The following FHIT variants were observed in gnomAD, a reference collection of about 807,000 sequenced individuals.
FHIT encodes the protein bis(5'-adenosyl)-triphosphatase.
A neutral mutation model predicts 17.9 loss-of-function variants in FHIT; 19 were observed. The observed-to-expected ratio is 1.06, with a 90% confidence interval of 0.74 to 1.56. The LOEUF is 1.56. Ranked by LOEUF, FHIT falls within the 40% of genes most tolerant of loss-of-function variation. FHIT has a pLI of 0.00. For synonymous variants in FHIT, 81 were observed against 69.7 expected (o/e 1.16, Z -0.81); for missense variants, 248 against 189.2 (o/e 1.31, Z -1.82).
intron 5 of FHIT, among the ~76,000 whole-genome samples, chr3:60,512,466 C>A (rs1031665937): frequency 2.6e-5 from 4 of 152,232 alleles, no homozygotes; most frequent in Non-Finnish European, 4.4e-5. Context: ...TCTACTCAGA[C>A]TGAACTCGAC....
chr3:60,985,381 G>A (rs768043251), intron 3 of FHIT, among the ~76,000 whole-genome samples: 14 of 151,836 alleles, frequency 9.2e-5, no homozygotes, highest in South Asian at 2.1e-4. Context: ...CAAGCTATCC[G>A]ATCCTCCTTC....
At chr3:60,374,643 T>A (rs760560579) in intron 5 of FHIT, among the ~76,000 whole-genome samples, 14 of 151,084 alleles carry the variant, frequency 9.3e-5, no homozygotes, top group Non-Finnish European at 1.9e-4. Flanking sequence ...TTGACATTTA[T>A]GTAGAAGGAC....
Position 60,059,373 on chromosome 3 carries a change from C to T in FHIT, c.104-45221G>A, listed in dbSNP as rs147691931. On this transcript the variant is annotated intron_variant, in intron 5 of 9. Coordinates refer to ENST00000492590, the MANE Select transcript of FHIT (RefSeq NM_002012.4). ...AACACACTCACATGCTCACCTCCCA[C>T]ATGTTAGCAGGCCACACACATGTGG... Among the ~76,000 whole-genome samples, 355 of 152,284 alleles carry T rather than the reference C, an allele frequency of 2.3e-3. 4 individuals are homozygous for T. The highest frequency in any genetic ancestry group is 3.4e-3 in the Middle Eastern group (1 of 294).
intron 4 of FHIT, among the ~76,000 whole-genome samples, chr3:60,600,754 G>A (rs545341730): frequency 2.6e-5 from 4 of 152,222 alleles, no homozygotes; most frequent in Admixed American, 6.5e-5. Context: ...AGACAAATTC[G>A]AGAAAAACAA....
chr3:61,124,503 G>A (rs963717240), intron 2 of FHIT, among the ~76,000 whole-genome samples: 22 of 152,020 alleles, frequency 1.4e-4, no homozygotes, highest in Non-Finnish European at 2.6e-4. Context: ...ATATTCTCAT[G>A]GTGGCTGGTT....
At chr3:60,754,132 C>A (rs1417785474) in intron 4 of FHIT, among the ~76,000 whole-genome samples, 1 of 152,092 alleles carries the variant, frequency 6.6e-6, no homozygotes, top group Non-Finnish European at 1.5e-5. Flanking sequence ...CTGGCCTTAC[C>A]AGGATAAGAA....
intron 8 of FHIT, among the ~76,000 whole-genome samples, chr3:59,888,557 A>C (rs1446825636): frequency 2.0e-5 from 3 of 152,244 alleles, no homozygotes; most frequent in Non-Finnish European, 2.9e-5. Context: ...ACAGTGAAAT[A>C]TATGGGAAAA....
chr3:60,002,547 C>A (rs1026382146), intron 7 of FHIT, among the ~76,000 whole-genome samples: 8 of 152,174 alleles, frequency 5.3e-5, no homozygotes, highest in Non-Finnish European at 1.2e-4. Context: ...GATTCCTCAC[C>A]ATGTTTGGCC....
chr3:60,898,060 A>T (rs2107209300), intron 3 of FHIT, among the ~76,000 whole-genome samples: 1 of 152,320 alleles, frequency 6.6e-6, no homozygotes, highest in South Asian at 2.1e-4. Context: ...TTTAGGGCAT[A>T]TATGTAAACA....
At chr3:60,016,972 C>T (rs1283344976) in intron 5 of FHIT, among the ~76,000 whole-genome samples, 1 of 152,084 alleles carries the variant, frequency 6.6e-6, no homozygotes, top group East Asian at 1.9e-4. Context: ...GCAATAATTT[C>T]TTATAGAAAA....
chr3:59,763,690 G>C (rs529321258), intron 8 of FHIT, among the ~76,000 whole-genome samples: 1 of 152,282 alleles, frequency 6.6e-6, no homozygotes, highest in African/African-American at 2.4e-5. Flanking sequence ...AGCTACCTGA[G>C]ACAATATGGT....
chr3:60,508,986 AC>A (rs2034841481), intron 5 of FHIT, among the ~76,000 whole-genome samples: 1 of 152,148 alleles, frequency 6.6e-6, no homozygotes, highest in Non-Finnish European at 1.5e-5. Context: ...CCCTCTCTAG[AC>A]CCACATAGTA....
intron 5 of FHIT, among the ~76,000 whole-genome samples, chr3:60,462,706 G>A (rs948996134): frequency 7.2e-5 from 11 of 152,098 alleles, no homozygotes; most frequent in Admixed American, 2.0e-4. Context: ...CAAACAGGAG[G>A]TTATGGCCCC....
intron 5 of FHIT, among the ~76,000 whole-genome samples, chr3:60,324,197 G>C (rs1295248336): frequency 6.6e-6 from 1 of 152,070 alleles, no homozygotes; most frequent in Non-Finnish European, 1.5e-5. Context: ...GTCAAGTAAT[G>C]GGCCCCAAAT....
chr3:60,510,736 G>A (rs2034919779), intron 5 of FHIT, among the ~76,000 whole-genome samples: 1 of 151,818 alleles, frequency 6.6e-6, no homozygotes, highest in African/African-American at 2.4e-5. Flanking sequence ...ACACAATATA[G>A]AAATACCTAA....
intron 5 of FHIT, among the ~76,000 whole-genome samples, chr3:60,380,901 G>A (rs1441959183): frequency 6.6e-6 from 1 of 152,132 alleles, no homozygotes; most frequent in Non-Finnish European, 1.5e-5. Flanking sequence ...CCCAGTAATA[G>A]TACATCTTCT....
chr3:60,350,471 T>C (rs1188198482), intron 5 of FHIT, among the ~76,000 whole-genome samples: 1 of 152,166 alleles, frequency 6.6e-6, no homozygotes, highest in African/African-American at 2.4e-5. Context: ...TCTCCAAAAT[T>C]GTACGTAACG....
At chr3:61,000,829 A>T (rs183482552) in intron 3 of FHIT, among the ~76,000 whole-genome samples, 1 of 152,210 alleles carries the variant, frequency 6.6e-6, no homozygotes, top group South Asian at 2.1e-4. Context: ...GTAGAGACCT[A>T]GTGGGGAAGC....
At chr3:60,786,139 A>G (rs1311711039) in intron 4 of FHIT, among the ~76,000 whole-genome samples, 1 of 152,226 alleles carries the variant, frequency 6.6e-6, no homozygotes, top group Non-Finnish European at 1.5e-5. Flanking sequence ...AAAAAATGAG[A>G]CAGCCCTGGG....
Sources: gnomAD v4.1 joint callset for allele counts (sites outside exome capture counted in the v4.1 genomes callset) on GRCh38, gnomAD v4.1.1 for gene constraint, MANE v1.5 for transcripts, NCBI Gene and HGNC (gene_info 2026-07-23, HGNC 2026-07-21) for gene names.